CFAP96: variants seen among roughly 807,000 people sequenced by gnomAD.
CFAP96 encodes the protein cilia-and flagella-associated protein 96.
At chr4:185,443,017 A>G in the CFAP96 span, among the ~76,000 whole-genome samples, 1,092 of 152,126 alleles carry the variant, frequency 7.2e-3, 17 homozygotes, top group South Asian at 0.058. Context: ...ATTTTGGTAC[A>G]AGTGGATGCA....
the CFAP96 span, among the ~76,000 whole-genome samples, chr4:185,436,664 C>T: frequency 3.6e-3 from 544 of 151,446 alleles, no homozygotes; most frequent in Middle Eastern, 7.0e-3. Context: ...GAGCCAAGGT[C>T]GCGCCACTGC....
At chr4:185,408,456 C>T in the CFAP96 span, 7 of 1,606,260 alleles carry the variant, frequency 4.4e-6, no homozygotes, top group Non-Finnish European at 6.0e-6. Context: ...AGAAGAAACA[C>T]AGTAAAATAT....
the CFAP96 span, among the ~76,000 whole-genome samples, chr4:185,418,047 A>AACACACACACACAC: frequency 0.1 from 14,917 of 142,890 alleles, 839 homozygotes; most frequent in African/African-American, 0.15. Context: ...TCCATCTCAA[A>AACACACACACACAC]ACACACACAC....
the CFAP96 span, chr4:185,422,662 A>G: frequency 1.3e-6 from 1 of 789,262 alleles, no homozygotes; most frequent in Non-Finnish European, 2.0e-6. Context: ...ACATTAATTA[A>G]CCTTGATTCT....
the CFAP96 span, among the ~76,000 whole-genome samples, chr4:185,446,571 T>A: frequency 6.6e-6 from 1 of 152,158 alleles, no homozygotes; most frequent in East Asian, 1.9e-4. Context: ...TGAAAAAAAA[T>A]TTCTGGGCAT....
At chr4:185,434,085 G>A in the CFAP96 span, among the ~76,000 whole-genome samples, 87 of 152,108 alleles carry the variant, frequency 5.7e-4, no homozygotes, top group African/African-American at 2.0e-3. Flanking sequence ...CCAGCGTGGC[G>A]ATGCATGCCT....
At chr4:185,418,724 T>G in the CFAP96 span, 1 of 1,613,182 alleles carries the variant, frequency 6.2e-7, no homozygotes, top group African/African-American at 1.3e-5. Context: ...ACAGCTTAGT[T>G]GACAGGTCAC....
At chr4:185,410,433 A>G in the CFAP96 span, among the ~76,000 whole-genome samples, 3 of 151,850 alleles carry the variant, frequency 2.0e-5, no homozygotes, top group East Asian at 1.9e-4. Context: ...TAGATCACCT[A>G]AAGTCAGGAG....
the CFAP96 span, among the ~76,000 whole-genome samples, chr4:185,411,428 T>C: frequency 6.6e-6 from 1 of 151,446 alleles, no homozygotes; most frequent in Non-Finnish European, 1.5e-5. Context: ...ATATCACTAA[T>C]AAAAAAACAA....
the CFAP96 span, among the ~76,000 whole-genome samples, chr4:185,438,731 A>G: frequency 6.6e-6 from 1 of 152,112 alleles, no homozygotes; most frequent in Non-Finnish European, 1.5e-5. Context: ...AATGGTTTTT[A>G]CCTTTTCAGT....
the CFAP96 span, among the ~76,000 whole-genome samples, chr4:185,443,344 T>TATATATATATATA: frequency 1.7e-4 from 3 of 17,150 alleles, no homozygotes; most frequent in African/African-American, 6.1e-4. Flanking sequence ...ATATATATAT[T>TATATATATATATA]TTTTTTTTTT....
At chr4:185,414,249 A>T in the CFAP96 span, among the ~76,000 whole-genome samples, 2 of 152,226 alleles carry the variant, frequency 1.3e-5, no homozygotes, top group Non-Finnish European at 2.9e-5. Flanking sequence ...TAATTATATC[A>T]AAGTATTTTG....
At chr4:185,419,562 G>GCTTC in the CFAP96 span, among the ~76,000 whole-genome samples, 1 of 152,150 alleles carries the variant, frequency 6.6e-6, no homozygotes, top group East Asian at 1.9e-4. Context: ...CTCTCATCCA[G>GCTTC]CTTCCTTTGC....
the CFAP96 span, among the ~76,000 whole-genome samples, chr4:185,409,068 G>A: frequency 2.0e-5 from 3 of 152,068 alleles, no homozygotes; most frequent in African/African-American, 7.2e-5. Context: ...TTGGGCCCAA[G>A]CTTCTACAAC....
chr4:185,420,561 A>G, the CFAP96 span, among the ~76,000 whole-genome samples: 1 of 152,218 alleles, frequency 6.6e-6, no homozygotes, highest in East Asian at 1.9e-4. Context: ...CTTTGGAGCT[A>G]TTGTAGAGAT....
At chr4:185,415,147 G>T in the CFAP96 span, 1 of 1,569,048 alleles carries the variant, frequency 6.4e-7, no homozygotes, top group Non-Finnish European at 8.6e-7. Context: ...TAGATGAACT[G>T]GTTTTACCTT....
At chr4:185,422,507 A>G in the CFAP96 span, 1 of 1,611,608 alleles carries the variant, frequency 6.2e-7, no homozygotes, top group Non-Finnish European at 8.5e-7. Flanking sequence ...CTAGCTGAAA[A>G]GCCAAATCAA....
the CFAP96 span, chr4:185,432,098 G>T: frequency 6.4e-7 from 1 of 1,551,738 alleles, no homozygotes; most frequent in East Asian, 2.4e-5. Context: ...TTTTGAAGGT[G>T]AAGGCTACAT....
chr4:185,440,389 A>G, the CFAP96 span: 3 of 548,062 alleles, frequency 5.5e-6, no homozygotes, highest in African/African-American at 6.0e-5. Flanking sequence ...TATCATAAAA[A>G]TAGAACATAG....
Sources: gnomAD v4.1 joint callset for allele counts (sites outside exome capture counted in the v4.1 genomes callset) on GRCh38, gnomAD v4.1.1 for gene constraint, MANE v1.5 for transcripts, NCBI Gene and HGNC (gene_info 2026-07-23, HGNC 2026-07-21) for gene names.